Variants in TRAPPC9 observed in about 807,000 individuals in gnomAD.
TRAPPC9 encodes the protein trafficking protein particle complex subunit 9, also known as IKK2 binding protein.
Under a neutral mutation model 124.0 loss-of-function variants are expected in TRAPPC9, and 83 were observed. The observed-to-expected ratio is 0.67, with a 90% CI of 0.56 to 0.80. The LOEUF (loss-of-function observed/expected upper bound fraction) is 0.80. Among genes scored for constraint, TRAPPC9 ranks in the 30% least tolerant of loss-of-function variants. The probability of loss-of-function intolerance (pLI) is 0.00; values close to 1 mark genes in which losing one functional copy is unlikely to be tolerated. For synonymous variants in TRAPPC9, 638 were observed against 617.5 expected (o/e 1.03, Z -0.49); for missense variants, 1,302 against 1,508.3 (o/e 0.86, Z 2.27).
chr8:140,031,506 C>T (rs139926578), intron 17 of TRAPPC9, among the ~76,000 whole-genome samples: 20 of 152,294 alleles, frequency 1.3e-4, no homozygotes, highest in South Asian at 4.1e-4. Context: ...CCTGTCACCA[C>T]GGATTTCCTT....
intron 21 of TRAPPC9, among the ~76,000 whole-genome samples, chr8:139,844,354 C>T (rs988252630): frequency 3.3e-5 from 5 of 152,172 alleles, no homozygotes; most frequent in Admixed American, 1.3e-4. Context: ...ACCAGGGTGG[C>T]CCCCTGCTTT....
intron 19 of TRAPPC9, among the ~76,000 whole-genome samples, chr8:139,955,025 T>C (rs1834884417): frequency 6.6e-6 from 1 of 152,234 alleles, no homozygotes; most frequent in South Asian, 2.1e-4. Context: ...GATTTAAGTA[T>C]TATAAGCATA....
intron 17 of TRAPPC9, among the ~76,000 whole-genome samples, chr8:140,035,636 G>A (rs1232284456): frequency 6.6e-6 from 1 of 152,206 alleles, no homozygotes; most frequent in Non-Finnish European, 1.5e-5. Flanking sequence ...GTTCGGCAAG[G>A]TGAGGTACGT....
At chr8:139,939,125 C>A (rs1240986405) in intron 19 of TRAPPC9, among the ~76,000 whole-genome samples, 1 of 152,212 alleles carries the variant, frequency 6.6e-6, no homozygotes, top group African/African-American at 2.4e-5. Context: ...ACTCAAAGAA[C>A]TGGCCAGACA....
rs1261126522 is a variant in TRAPPC9 at position 140,400,999 on chromosome 8, AGG to A, written c.1009-3256_1009-3255del. On this transcript the variant is annotated intron_variant, in intron 6 of 22. Transcript: ENST00000438773. ...TGTTGCATAATTTAAAATTAAAGAAAGGGTTTATAGAGGTTGTCCATGTATAC... is the reference window on the plus strand; with the variant it reads ...TGTTGCATAATTTAAAATTAAAGAAAGTTTATAGAGGTTGTCCATGTATAC... Among the ~76,000 whole-genome samples, 5 of 152,208 alleles carry A rather than the reference AGG, an allele frequency of 3.3e-5. No individual in the cohort carries two copies. In the East Asian group the frequency reaches 9.6e-4, roughly 29 times the overall value.
intron 9 of TRAPPC9, among the ~76,000 whole-genome samples, chr8:140,347,196 C>T (rs2067375129): frequency 6.6e-6 from 1 of 152,216 alleles, no homozygotes; most frequent in African/African-American, 2.4e-5. Flanking sequence ...TCCAGGCCAT[C>T]CCCATGGGGT....
In TRAPPC9 at chr8:140,193,798, C is replaced by T. The variant is rs534968936; in HGVS notation, c.2556+27661G>A. Among the ~76,000 whole-genome samples, 135 of 152,276 alleles carry T rather than the reference C, an allele frequency of 8.9e-4. 1 individual carries two copies. Among genetic ancestry groups the T allele is most frequent in the East Asian group, 1.3e-3 (7 of 5,190 alleles). ...AGCTGTGCGATTGTGGACAAACTAT[C>T]GCTGCAAATGAAGACTGTAATACCT... On this transcript the variant is annotated intron_variant, in intron 17 of 22. Transcript: ENST00000438773.
chr8:139,879,103 G>A lies in TRAPPC9; in HGVS notation c.3055+6776C>T, dbSNP rs113163250. Among the ~76,000 whole-genome samples, 328 of 152,366 alleles carry A rather than the reference G, an allele frequency of 2.2e-3. 3 individuals are homozygous for A. The highest frequency in any genetic ancestry group is 7.6e-3 in the African/African-American group (314 of 41,586). On this transcript the variant is annotated intron_variant, in intron 21 of 22. Coordinates refer to ENST00000438773, the MANE Select transcript of TRAPPC9 (RefSeq NM_001160372.4). ...GAACGAGGGCCCAGCCCGGCATGGC[G>A]GCCTACGGGTGTGATAGAAACTCCC...
intron 17 of TRAPPC9, among the ~76,000 whole-genome samples, chr8:140,160,503 G>A (rs1481257009): frequency 6.6e-6 from 1 of 152,184 alleles, no homozygotes; most frequent in Non-Finnish European, 1.5e-5. Context: ...TAGGGACATG[G>A]ATGAAGCTGG....
intron 19 of TRAPPC9, among the ~76,000 whole-genome samples, chr8:139,980,336 C>A (rs1836805252): frequency 6.6e-6 from 1 of 152,182 alleles, no homozygotes; most frequent in Non-Finnish European, 1.5e-5. Context: ...ACTTTCTCTG[C>A]CTCCACTCTC....
intron 17 of TRAPPC9, among the ~76,000 whole-genome samples, chr8:140,177,134 A>C (rs2062088393): frequency 6.6e-6 from 1 of 152,190 alleles, no homozygotes; most frequent in African/African-American, 2.4e-5. Context: ...TTTGAAGAGA[A>C]GTTTTTAATT....
intron 17 of TRAPPC9, among the ~76,000 whole-genome samples, chr8:140,136,859 G>A (rs565000916): frequency 1.3e-5 from 2 of 152,264 alleles, no homozygotes; most frequent in South Asian, 4.1e-4. Flanking sequence ...CCAAGTCAGA[G>A]GGACAGGACC....
chr8:139,860,113 C>T (rs1353887525), intron 21 of TRAPPC9, among the ~76,000 whole-genome samples: 1 of 152,210 alleles, frequency 6.6e-6, no homozygotes, highest in Non-Finnish European at 1.5e-5. Flanking sequence ...TCAGCACATC[C>T]AGTAGCCGGA....
intron 21 of TRAPPC9, among the ~76,000 whole-genome samples, chr8:139,790,829 G>A (rs1270528939): frequency 6.6e-6 from 1 of 152,114 alleles, no homozygotes; most frequent in African/African-American, 2.4e-5. Context: ...TCGATGTAGG[G>A]GTGGATTTCT....
In TRAPPC9 at chr8:140,349,793, G is replaced by A. The variant is rs1482845315; in HGVS notation, c.1495+10257C>T. On this transcript the variant is annotated intron_variant, in intron 9 of 22. Transcript: ENST00000438773. Reference sequence around the variant, plus strand: ...ATGGCACTGCACCAAGAATAGGGGCGGGAATTGGGGAAGGTGAAGAAGACC... The same window carrying A: ...ATGGCACTGCACCAAGAATAGGGGCAGGAATTGGGGAAGGTGAAGAAGACC... 3.9e-5 allele frequency among the ~76,000 whole-genome samples: 6 copies of A among 152,172 alleles called. No homozygotes were observed. In the South Asian group the frequency reaches 1.0e-3, roughly 26 times the overall value.
In TRAPPC9 at chr8:140,133,541, G is replaced by A. The variant is rs569162355; in HGVS notation, c.2556+87918C>T. Among the ~76,000 whole-genome samples, 27 of 152,222 alleles carry A rather than the reference G, an allele frequency of 1.8e-4. No individual in the cohort carries two copies. The East Asian group carries it at 4.1e-3, about 23-fold the overall frequency. On this transcript the variant is annotated intron_variant, in intron 17 of 22. Coordinates refer to ENST00000438773, the MANE Select transcript of TRAPPC9 (RefSeq NM_001160372.4). ...GCTTTCCCCACTGCTATTCAATCCC[G>A]AATCAGAGTCTTCCTCAGAGCAATT...
intron 21 of TRAPPC9, among the ~76,000 whole-genome samples, chr8:139,734,729 T>C (rs1024874050): frequency 1.3e-5 from 2 of 152,116 alleles, no homozygotes; most frequent in Admixed American, 6.5e-5. Flanking sequence ...CACAATCCAG[T>C]GGGAGAAGGA....
At chr8:139,845,712 G>A (rs1438231957) in intron 21 of TRAPPC9, among the ~76,000 whole-genome samples, 4 of 152,238 alleles carry the variant, frequency 2.6e-5, no homozygotes, top group Admixed American at 1.3e-4. Context: ...CAGGTGCCTG[G>A]CACTGGTAGG....
At chr8:140,293,131 C>G (rs1312051908) in intron 11 of TRAPPC9, among the ~76,000 whole-genome samples, 1 of 147,734 alleles carries the variant, frequency 6.8e-6, no homozygotes, top group Non-Finnish European at 1.5e-5. Flanking sequence ...CCATCACTGG[C>G]CATCAGAGAA....
Sources: gnomAD v4.1 joint callset for allele counts (sites outside exome capture counted in the v4.1 genomes callset) on GRCh38, gnomAD v4.1.1 for gene constraint, MANE v1.5 for transcripts, NCBI Gene and HGNC (gene_info 2026-07-23, HGNC 2026-07-21) for gene names.